The following C8A variants were observed in gnomAD, a reference collection of about 807,000 sequenced individuals.
C8A encodes complement component C8 alpha chain.
Under a neutral mutation model 65.3 loss-of-function variants are expected in C8A, and 67 were observed. The observed-to-expected ratio is 1.03, with a 90% CI of 0.84 to 1.26. The LOEUF (loss-of-function observed/expected upper bound fraction) is 1.26. Ranked by LOEUF, C8A falls within the 50% of genes most tolerant of loss-of-function variation. The pLI is 0.00. For missense variants in C8A, 781 were observed against 723.9 expected (o/e 1.08, Z -0.90); for synonymous variants, 290 against 259.4 (o/e 1.12, Z -1.13).
chr1:56,916,586 C>A (rs996646530), intron 10 of C8A, among the ~76,000 whole-genome samples: 1 of 152,090 alleles, frequency 6.6e-6, no homozygotes, highest in African/African-American at 2.4e-5. Context: ...TCTGAGGAGC[C>A]CTGGGGTCTC....
At chr1:56,885,255 T>C (rs1039601602) in intron 6 of C8A, among the ~76,000 whole-genome samples, 9 of 147,098 alleles carry the variant, frequency 6.1e-5, no homozygotes, top group African/African-American at 2.2e-4. Flanking sequence ...TTTATGTTCA[T>C]ATACGTGTTT....
intron 7 of C8A, among the ~76,000 whole-genome samples, chr1:56,905,172 G>A (rs528490195): frequency 5.3e-5 from 8 of 152,272 alleles, no homozygotes; most frequent in Admixed American, 1.3e-4. Context: ...GCTGAGTGCC[G>A]GTGCTCAGAG....
intron 6 of C8A, among the ~76,000 whole-genome samples, chr1:56,883,927 T>C (rs1252459727): frequency 7.9e-5 from 12 of 151,974 alleles, no homozygotes; most frequent in Admixed American, 7.9e-4. Flanking sequence ...CCATCATCAT[T>C]TTTTATGGTT....
intron 7 of C8A, among the ~76,000 whole-genome samples, chr1:56,900,900 A>G (rs1209862892): frequency 6.6e-6 from 1 of 152,184 alleles, no homozygotes; most frequent in Non-Finnish European, 1.5e-5. Context: ...GCTAAATACT[A>G]TGCTGGAGAG....
intron 7 of C8A, among the ~76,000 whole-genome samples, chr1:56,891,785 C>T (rs79158029): frequency 2.0e-4 from 31 of 152,154 alleles, no homozygotes; most frequent in African/African-American, 7.2e-4. Flanking sequence ...AAGGTGCCAG[C>T]TTCATGGTAA....
chr1:56,868,108 A>C (rs1275566230), intron 2 of C8A, among the ~76,000 whole-genome samples: 1 of 152,018 alleles, frequency 6.6e-6, no homozygotes, highest in Non-Finnish European at 1.5e-5. Flanking sequence ...GTTCTTGAGA[A>C]TTCCACTTTC....
At chr1:56,913,357 T>C (rs976933794) in intron 10 of C8A, among the ~76,000 whole-genome samples, 1 of 152,256 alleles carries the variant, frequency 6.6e-6, no homozygotes, top group Non-Finnish European at 1.5e-5. Context: ...GTTGTCATTA[T>C]AGTGTAAGAA....
chr1:56,884,468 G>T (rs1258733254), intron 6 of C8A, among the ~76,000 whole-genome samples: 1 of 152,092 alleles, frequency 6.6e-6, no homozygotes, highest in Non-Finnish European at 1.5e-5. Flanking sequence ...TCAAGGTGGG[G>T]TTCAAAAATT....
At chr1:56,882,834 A>G (rs185633373) in intron 5 of C8A, among the ~76,000 whole-genome samples, 1 of 152,266 alleles carries the variant, frequency 6.6e-6, no homozygotes, top group Non-Finnish European at 1.5e-5. Context: ...TGCTTATGCT[A>G]TTTGTCCACC....
intron 1 of C8A, among the ~76,000 whole-genome samples, chr1:56,861,739 C>T (rs1644035165): frequency 6.6e-6 from 1 of 152,066 alleles, no homozygotes; most frequent in African/African-American, 2.4e-5. Context: ...TCTAAAATAC[C>T]TCTATTGTAT....
intron 7 of C8A, among the ~76,000 whole-genome samples, chr1:56,886,408 C>T (rs1288502279): frequency 3.9e-5 from 6 of 152,140 alleles, no homozygotes; most frequent in Non-Finnish European, 7.3e-5. Flanking sequence ...AAACTATATG[C>T]TTCTTATTGC....
At chr1:56,885,383 AATAT>A (rs1240305757) in intron 6 of C8A, among the ~76,000 whole-genome samples, 1 of 98,106 alleles carries the variant, frequency 1.0e-5, no homozygotes, top group African/African-American at 3.5e-5. Context: ...TATTTATTTA[AATAT>A]ATATTTAAAT....
rs774746597 is a variant in C8A at position 56,881,491 on chromosome 1, A to T, written c.511A>T (p.Ser171Cys). The change falls in exon 5 of 11, where the codon AGT (serine) becomes TGT (cysteine). Residue 171 changes from serine to cysteine, a missense_variant. Coordinates refer to ENST00000361249, the MANE Select transcript of C8A (RefSeq NM_000562.3). ...QEDAQSVYDA[S>C]YYGGQCETVY... ...AGATGCTCAGAGTGTGTACGATGCC[A>T]GTTATTATGGGGGCCAGTGTGAGAC... is the stretch of plus-strand genomic sequence containing the variant. The T allele has an allele frequency of 2.5e-6, 4 of 1,613,660 alleles. No homozygotes were observed. The Admixed American group carries it at 6.7e-5, about 27-fold the overall frequency.
intron 10 of C8A, among the ~76,000 whole-genome samples, chr1:56,913,831 G>A (rs2101314168): frequency 6.6e-6 from 1 of 152,332 alleles, no homozygotes; most frequent in East Asian, 1.9e-4. Flanking sequence ...TTGAAGCACA[G>A]GGTGGAGGGG....
chr1:56,913,241 T>G (rs1644524192), intron 10 of C8A, among the ~76,000 whole-genome samples: 1 of 152,244 alleles, frequency 6.6e-6, no homozygotes, highest in Non-Finnish European at 1.5e-5. Context: ...TGATTTCATC[T>G]GCAAAGATCC....
At chr1:56,909,490 T>C (rs1041135600) in intron 9 of C8A, among the ~76,000 whole-genome samples, 3 of 152,198 alleles carry the variant, frequency 2.0e-5, no homozygotes, top group Non-Finnish European at 4.4e-5. Flanking sequence ...AAAATTGATA[T>C]CATCAAGCTA....
At chr1:56,863,211 G>T (rs1344717808) in intron 1 of C8A, among the ~76,000 whole-genome samples, 1 of 152,114 alleles carries the variant, frequency 6.6e-6, no homozygotes, top group East Asian at 1.9e-4. Context: ...TATGTTCTCT[G>T]TAATGAGACT....
At chr1:56,859,436 G>T (rs1356984736) in intron 1 of C8A, among the ~76,000 whole-genome samples, 1 of 152,204 alleles carries the variant, frequency 6.6e-6, no homozygotes, top group Non-Finnish European at 1.5e-5. Context: ...CATAGGACAG[G>T]CAGGCTAAAG....
intron 1 of C8A, among the ~76,000 whole-genome samples, chr1:56,866,474 T>C (rs988485392): frequency 2.0e-5 from 3 of 152,206 alleles, no homozygotes; most frequent in Non-Finnish European, 1.5e-5. Context: ...GAGTTAAAGA[T>C]AGACAAAATT....
Sources: gnomAD v4.1 joint callset for allele counts (sites outside exome capture counted in the v4.1 genomes callset) on GRCh38, gnomAD v4.1.1 for gene constraint, MANE v1.5 for transcripts, NCBI Gene and HGNC (gene_info 2026-07-23, HGNC 2026-07-21) for gene names.